ELP2: variants seen among roughly 807,000 people sequenced by gnomAD.
ELP2 encodes elongator complex protein 2.
Under a neutral mutation model 119.2 loss-of-function variants are expected in ELP2, and 90 were observed. The ratio of observed to expected loss-of-function variants is 0.75; its 90% confidence interval spans 0.64 to 0.90. The LOEUF (loss-of-function observed/expected upper bound fraction) is 0.90, where lower values mean the gene tolerates loss of function less well. Ranked by LOEUF, ELP2 falls within the 40% of genes least tolerant of loss-of-function variation. The pLI is 0.00. For synonymous variants in ELP2, 339 were observed against 331.0 expected (o/e 1.02, Z -0.26); for missense variants, 921 against 967.8 (o/e 0.95, Z 0.64).
chr18:36,166,931 A>G, intron 18 of ELP2, 170 bp from the exon 19 acceptor site: 1 of 524,868 alleles, frequency 1.9e-6, no homozygotes. Flanking sequence ...AGCTGTGTCC[A>G]CAGCCTTCTG....
rs542474936 is a variant in ELP2, at chr18:36,173,708, A to G, written c.2325-777A>G. On this transcript the variant is annotated intron_variant, in intron 21 of 21. Transcript: ENST00000358232. ...CATCTGGTGACAGGGACTGTCAGCA[A>G]ATGAAAGTGTAATGTGTGTGCTCTG... is the stretch of plus-strand genomic sequence containing the variant. Among the ~76,000 whole-genome samples, 25 of 152,338 alleles carry G rather than the reference A, an allele frequency of 1.6e-4. No individual in the cohort carries two copies. In the South Asian group the frequency reaches 5.0e-3, roughly 30 times the overall value.
Position 36,156,626 on chromosome 18 carries a change from G to T in ELP2, c.1436G>T (p.Gly479Val). 1.2e-6 allele frequency: 2 copies of T among 1,614,040 alleles called. No homozygotes were observed. Among genetic ancestry groups the T allele is most frequent in the Non-Finnish European group, 8.5e-7 (1 of 1,179,976 alleles). Reference sequence around the variant, plus strand: ...GTGGAAAATTTTTGTGCCATTACAGGACAATCACTGAATCATGTGCTCTGT... The same window carrying T: ...GTGGAAAATTTTTGTGCCATTACAGTACAATCACTGAATCATGTGCTCTGT... ...NFVENFCAIT[G>V]QSLNHVLCNQ... is the part of the protein sequence containing the mutation. Residue 479 changes from glycine to valine, a missense_variant, in exon 13 of 22, where the codon GGA (glycine) becomes GTA (valine). Physicochemically the swap from Gly to Val is moderately radical, Grantham distance 109. Coordinates refer to ENST00000358232, the MANE Select transcript of ELP2 (RefSeq NM_018255.4).
intron 5 of ELP2, 112 bp downstream of exon 5, chr18:36,138,984 T>TA: frequency 9.7e-6 from 8 of 824,666 alleles, no homozygotes; most frequent in Non-Finnish European, 1.5e-5. Flanking sequence ...AATGTTTCTA[T>TA]GAAACAAGAT....
chr18:36,166,110 A>C (rs1023019060), intron 18 of ELP2, among the ~76,000 whole-genome samples: 1 of 151,678 alleles, frequency 6.6e-6, no homozygotes, highest in Admixed American at 6.6e-5. Flanking sequence ...GGAGGATTGC[A>C]TGAACCCAGG....
intron 11 of ELP2, among the ~76,000 whole-genome samples, chr18:36,148,310 G>C (rs1276587070): frequency 6.6e-6 from 1 of 152,092 alleles, no homozygotes; most frequent in African/African-American, 2.4e-5. Context: ...AGCACCTCGT[G>C]ATCTGCCCAC....
In ELP2 at chr18:36,171,067, T is replaced by C; in HGVS notation, c.2231T>C (p.Leu744Ser). The C allele has an allele frequency of 3.7e-6, 6 of 1,613,506 alleles. No individual in the cohort carries two copies. Among genetic ancestry groups the C allele is most frequent in the Non-Finnish European group, 5.1e-6 (6 of 1,179,394 alleles). ...PSQRYVVAVG[L>S]ECGKICLYTW... The stretch of plus-strand genomic sequence containing the variant: ...AACAGATACGTGGTTGCAGTAGGAT[T>C]GGAGTGTGGAAAGATTTGCTTATAT... The change falls in exon 21 of 22, where the codon TTG becomes TCG. Residue 744 changes from leucine (L) to serine (S), a missense_variant. Leu to Ser is a moderately radical substitution (Grantham distance 145). Transcript: ENST00000358232.
intron 1 of ELP2, among the ~76,000 whole-genome samples, chr18:36,131,122 G>T (rs1280233925): frequency 1.3e-5 from 2 of 152,214 alleles, no homozygotes; most frequent in African/African-American, 2.4e-5. Context: ...TGCAGTGGAC[G>T]GGGGTCGCAC....
rs1395791367 is a variant in ELP2, at chr18:36,177,660, C to T, written c.*3019C>T. 1 of 151,776 alleles carries T rather than the reference C, an allele frequency of 6.6e-6. No individual in the cohort carries two copies. Among genetic ancestry groups the T allele is most frequent in the African/African-American group, 2.4e-5 (1 of 41,288 alleles). The allele number at this position is 151,776 out of a possible 1,614,324, so 9.4% of individuals were successfully genotyped here. A position where few individuals can be genotyped will look rare whatever the true frequency, so the allele number is the denominator to read the frequency against. On this transcript the variant is annotated 3_prime_UTR_variant, in exon 22 of 22. Coordinates refer to ENST00000358232, the MANE Select transcript of ELP2 (RefSeq NM_018255.4). ...ATGGTAAATCTTATCTTTATTTTAC[C>T]ACAGTTTTTTTTAAAGCATGGTAAA...
intron 19 of ELP2, among the ~76,000 whole-genome samples, chr18:36,168,216 C>A (rs779406519): frequency 2.0e-5 from 3 of 152,206 alleles, no homozygotes; most frequent in Non-Finnish European, 4.4e-5. Flanking sequence ...TAAACACTTA[C>A]ATGTCAACCT....
chr18:36,155,489 A>T (rs2090545563), intron 12 of ELP2, among the ~76,000 whole-genome samples: 1 of 152,214 alleles, frequency 6.6e-6, no homozygotes, highest in South Asian at 2.1e-4. Context: ...GCTGGTAAGG[A>T]TGCAGAGCAA....
chr18:36,151,742 G>GTTTTTTTT (rs71166098), intron 11 of ELP2, among the ~76,000 whole-genome samples: 1 of 109,828 alleles, frequency 9.1e-6, no homozygotes, highest in Admixed American at 9.4e-5. Context: ...GTTCTGTTCT[G>GTTTTTTTT]TTTTTTTTTT....
chr18:36,143,879 G>A (rs947407797), intron 8 of ELP2, among the ~76,000 whole-genome samples: 3 of 152,116 alleles, frequency 2.0e-5, no homozygotes, highest in Non-Finnish European at 2.9e-5. Flanking sequence ...AGACCTAAAG[G>A]AATAATGTGA....
chr18:36,142,718 T>G, intron 7 of ELP2, 108 bp from the exon 8 acceptor site: 4 of 756,082 alleles, frequency 5.3e-6, no homozygotes, highest in Non-Finnish European at 8.6e-6. Context: ...CAAAGTATTG[T>G]TTTTTTTCTG....
At chr18:36,160,885 GA>G in intron 16 of ELP2, 46 bp from the exon 17 acceptor site, 2 of 1,268,350 alleles carry the variant, frequency 1.6e-6, no homozygotes, top group Non-Finnish European at 1.2e-6. Flanking sequence ...TGTGGCATGA[GA>G]ATAGATTCAT....
At chr18:36,166,234 G>A (rs569305861) in intron 18 of ELP2, among the ~76,000 whole-genome samples, 8 of 143,158 alleles carry the variant, frequency 5.6e-5, no homozygotes, top group Non-Finnish European at 1.1e-4. Flanking sequence ...TTATTAATTT[G>A]TTATATCTTT....
At chr18:36,163,275 G>GGGGTGTGT (rs1555644861) in intron 17 of ELP2, among the ~76,000 whole-genome samples, 1 of 145,360 alleles carries the variant, frequency 6.9e-6, no homozygotes, top group African/African-American at 2.5e-5. Context: ...GTTCATGGGG[G>GGGGTGTGT]GTGTGTGTGT....
intron 11 of ELP2, among the ~76,000 whole-genome samples, chr18:36,149,661 C>T (rs2144679321): frequency 6.6e-6 from 1 of 151,834 alleles, no homozygotes; most frequent in East Asian, 1.9e-4. Context: ...CAGTGTATTC[C>T]TCCTTTGGTA....
chr18:36,155,081 C>T, intron 12 of ELP2, 82 bp downstream of exon 12: 1 of 1,175,400 alleles, frequency 8.5e-7, no homozygotes, highest in Non-Finnish European at 1.2e-6. Context: ...GGCACGATCT[C>T]AGCTCACTGC....
intron 5 of ELP2, chr18:36,139,370 T>G: frequency 6.8e-7 from 1 of 1,481,198 alleles, no homozygotes; most frequent in South Asian, 1.2e-5. Context: ...GAGTATCTTC[T>G]ACAAAGATAA....
Sources: allele counts gnomAD v4.1 joint callset (sites outside exome capture counted in the v4.1 genomes callset), GRCh38; gene constraint gnomAD v4.1.1; transcripts MANE v1.5; gene names NCBI Gene and HGNC (gene_info 2026-07-23, HGNC 2026-07-21).